Variants in EEA1 observed in about 807,000 individuals in gnomAD.
EEA1 encodes early endosome antigen 1, also known as early endosome antigen 1, 162kD.
EEA1 carries 111 observed loss-of-function variants against 209.2 expected under a neutral mutation model. That is an observed-to-expected ratio of 0.53 (90% confidence interval 0.45 to 0.62). The LOEUF (loss-of-function observed/expected upper bound fraction) is 0.62. EEA1 is among the 20% of genes least tolerant of loss of function. The probability of loss-of-function intolerance (pLI) is 0.00; values close to 1 mark genes in which losing one functional copy is unlikely to be tolerated. For synonymous variants in EEA1, 536 were observed against 540.6 expected (o/e 0.99, Z 0.12); for missense variants, 1,343 against 1,530.8 (o/e 0.88, Z 2.05).
In EEA1 at chr12:92,819,743, G is replaced by GT. The variant is rs199743456; in HGVS notation, c.1525-233dup. Among the ~76,000 whole-genome samples the GT allele has an allele frequency of 6.3e-3, 955 of 151,510 alleles. 8 individuals are homozygous for GT. Among genetic ancestry groups the GT allele is most frequent in the African/African-American group, 0.021 (861 of 41,288 alleles). ...TAACAAAAAACTCTCACTTAACCAC[G>GT]TTTTTTTTCTAACACTCTAATATGA... On this transcript the variant is annotated intron_variant, in intron 13 of 28. Coordinates refer to ENST00000322349, the MANE Select transcript of EEA1 (RefSeq NM_003566.4).
intron 22 of EEA1, 62 bp downstream of exon 22, chr12:92,787,805 A>G: frequency 7.8e-7 from 1 of 1,282,016 alleles, no homozygotes; most frequent in Non-Finnish European, 1.0e-6. Context: ...ATTCAAATAG[A>G]TCATTTAATA....
chr12:92,872,220 TG>T (rs1166702422), intron 2 of EEA1, among the ~76,000 whole-genome samples: 1 of 152,060 alleles, frequency 6.6e-6, no homozygotes, highest in African/African-American at 2.4e-5. Context: ...GGCCAATTTT[TG>T]TATTTTTAGT....
At chr12:92,800,108 G>A (rs1448512330) in intron 20 of EEA1, among the ~76,000 whole-genome samples, 5 of 152,046 alleles carry the variant, frequency 3.3e-5, no homozygotes, top group African/African-American at 4.8e-5. Flanking sequence ...TGTAATCCCA[G>A]CTACTTGGGA....
In EEA1 at chr12:92,827,942, TA is replaced by T; in HGVS notation, c.1373del (p.Leu458TyrfsTer8). The T allele has an allele frequency of 6.4e-7, 1 of 1,574,748 alleles. No homozygotes were observed. Among genetic ancestry groups the T allele is most frequent in the South Asian group, 1.2e-5 (1 of 84,170 alleles). On this transcript the variant is annotated frameshift_variant, in exon 12 of 29. Transcript: ENST00000322349. LOFTEE classifies it high-confidence loss of function. ...CTTCTAACCGAGAAAGTTTGAGTTG[TA>T]AATCAGCCACTTGTTGTTCTTTATC... ...LMDKEQQVAD[L>X]QLKLSRLEEQ...
chr12:92,866,893 T>C (rs1326910751), intron 2 of EEA1, among the ~76,000 whole-genome samples: 2 of 152,326 alleles, frequency 1.3e-5, no homozygotes, highest in East Asian at 3.9e-4. Context: ...TCATTTCTAA[T>C]AAAACATTAA....
At chr12:92,812,834 C>G (rs951497369) in intron 16 of EEA1, 146 bp downstream of exon 16, 3 of 491,916 alleles carry the variant, frequency 6.1e-6, no homozygotes, top group African/African-American at 2.0e-5. Context: ...ACTTTTACTA[C>G]TCAACTGGAA....
chr12:92,832,748 G>T lies in EEA1; in HGVS notation c.1018C>A (p.His340Asn). The change falls in exon 11 of 29, where the codon CAT becomes AAT. Residue 340 changes from histidine to asparagine, a missense_variant. Coordinates refer to ENST00000322349, the MANE Select transcript of EEA1 (RefSeq NM_003566.4). The stretch of plus-strand genomic sequence containing the variant: ...TGTTGACAATCTAGGTCTTTTTGAT[G>T]AAGGGTTGCCTGAATATTCTTTTTA... Reference protein sequence around the residue: ...VSKKNIQATLHQKDLDCQQLQ... With the variant: ...VSKKNIQATLNQKDLDCQQLQ... 6.2e-7 allele frequency: 1 copy of T among 1,613,922 alleles called. No homozygotes were observed. The highest frequency in any genetic ancestry group is 8.5e-7 in the Non-Finnish European group (1 of 1,179,950).
intron 13 of EEA1, among the ~76,000 whole-genome samples, chr12:92,819,739 C>T (rs1028635487): frequency 6.6e-6 from 1 of 151,890 alleles, no homozygotes; most frequent in Non-Finnish European, 1.5e-5. Context: ...TCTCACTTAA[C>T]CACGTTTTTT....
chr12:92,926,652 C>T (rs1442230425), intron 1 of EEA1, among the ~76,000 whole-genome samples: 4 of 152,170 alleles, frequency 2.6e-5, no homozygotes, highest in East Asian at 3.9e-4. Flanking sequence ...CTAGCCACCA[C>T]GGTAGCTTCA....
chr12:92,884,632 C>T, intron 2 of EEA1: 2 of 1,370,294 alleles, frequency 1.5e-6, no homozygotes, highest in Non-Finnish European at 2.1e-6. Context: ...AATACTTTGC[C>T]AAACCATGAA....
In EEA1 at chr12:92,775,403, T is replaced by C. The variant is rs997722183; in HGVS notation, c.*608A>G. On this transcript the variant is annotated 3_prime_UTR_variant, in exon 29 of 29. Coordinates refer to ENST00000322349, the MANE Select transcript of EEA1 (RefSeq NM_003566.4). ...ATTAATATTGTTAAAACAAAAACCA[T>C]TTTTGAATTCATATTACTACATATT... 1 of 151,836 alleles carries C rather than the reference T, an allele frequency of 6.6e-6. No individual in the cohort carries two copies. Among genetic ancestry groups the C allele is most frequent in the African/African-American group, 2.4e-5 (1 of 41,414 alleles). 9.4% of individuals were successfully genotyped at this position (151,836 alleles called of 1,614,324 possible).
chr12:92,790,922 CT>C (rs1277298324), intron 21 of EEA1, among the ~76,000 whole-genome samples: 3 of 152,230 alleles, frequency 2.0e-5, no homozygotes, highest in Admixed American at 2.0e-4. Flanking sequence ...AACAGCAGAT[CT>C]CTCGACAGAA....
intron 28 of EEA1, 22 bp from the exon 29 acceptor site, chr12:92,776,155 C>A (rs745493520): frequency 2.5e-6 from 4 of 1,589,842 alleles, no homozygotes; most frequent in Middle Eastern, 1.7e-4. Context: ...AAAAATTAAA[C>A]AATTTCAAGA....
At chr12:92,791,236 G>A (rs11836899) in intron 21 of EEA1, among the ~76,000 whole-genome samples, 38,602 of 151,938 alleles carry the variant, frequency 0.25, 5,360 homozygotes, top group Non-Finnish European at 0.32. Context: ...AATAACCAGC[G>A]AACATCATAA....
intron 21 of EEA1, among the ~76,000 whole-genome samples, chr12:92,795,411 T>C (rs1874615813): frequency 6.6e-6 from 1 of 152,236 alleles, no homozygotes; most frequent in African/African-American, 2.4e-5. Flanking sequence ...ACAGGTCCCA[T>C]GTCTGTTTTA....
Position 92,889,023 on chromosome 12 carries a change from G to A in EEA1, c.117+2606C>T, listed in dbSNP as rs570537552. On this transcript the variant is annotated intron_variant, in intron 2 of 28. Transcript: ENST00000322349. The stretch of plus-strand genomic sequence containing the variant: ...AAAAATTCGCAGGGTGTGGTGGCAC[G>A]TGCCTGTAATCCCAACTACTTAGGA... Among the ~76,000 whole-genome samples the A allele has an allele frequency of 2.0e-3, 300 of 152,006 alleles. 2 individuals are homozygous for A. Among genetic ancestry groups the A allele is most frequent in the Non-Finnish European group, 3.3e-3 (226 of 67,974 alleles).
chr12:92,810,699 G>A (rs550341567), intron 17 of EEA1, among the ~76,000 whole-genome samples: 3 of 151,554 alleles, frequency 2.0e-5, no homozygotes, highest in African/African-American at 7.3e-5. Flanking sequence ...TAAGCAGCAA[G>A]CGGTTCTAAT....
chr12:92,788,189 G>A, intron 21 of EEA1, 140 bp from the exon 22 acceptor site: 1 of 495,030 alleles, frequency 2.0e-6, no homozygotes, highest in Non-Finnish European at 3.2e-6. Flanking sequence ...ACCTCAATAG[G>A]GTAAATTACT....
At chr12:92,841,516 C>T (rs1446747280) in intron 10 of EEA1, among the ~76,000 whole-genome samples, 2 of 152,060 alleles carry the variant, frequency 1.3e-5, no homozygotes, top group African/African-American at 4.8e-5. Context: ...ATTTGCAAAT[C>T]ACATATCTGA....
Sources: gnomAD v4.1 joint callset for allele counts (sites outside exome capture counted in the v4.1 genomes callset) on GRCh38, gnomAD v4.1.1 for gene constraint, MANE v1.5 for transcripts, NCBI Gene and HGNC (gene_info 2026-07-23, HGNC 2026-07-21) for gene names.